Variants in ARHGEF9 observed in about 807,000 individuals in gnomAD.
ARHGEF9 encodes rho guanine nucleotide exchange factor 9.
In ARHGEF9, 2 loss-of-function variants were observed where a neutral mutation model predicts 41.3. That is an observed-to-expected ratio of 0.05 (90% CI 0.02 to 0.15). The LOEUF (loss-of-function observed/expected upper bound fraction) is 0.15, where lower values mean the gene tolerates loss of function less well. Ranked by LOEUF, ARHGEF9 falls within the 10% of genes least tolerant of loss-of-function variation. The probability of loss-of-function intolerance (pLI) is 1.00; values close to 1 mark genes in which losing one functional copy is unlikely to be tolerated. For missense variants in ARHGEF9, 225 were observed against 424.7 expected (o/e 0.53, Z 4.13); for synonymous variants, 160 against 154.4 (o/e 1.04, Z -0.27).
chrX:63,645,690 C>A (rs1473679765), intron 8 of ARHGEF9, among the ~76,000 whole-genome samples: 1 of 111,752 alleles, frequency 8.9e-6, no homozygotes, highest in Non-Finnish European at 1.9e-5. Context: ...AATAAACATA[C>A]GTGTGCATGT....
At chrX:63,754,247 G>A (rs2055834550) in intron 1 of ARHGEF9, 10 of 1,152,129 alleles carry the variant, frequency 8.7e-6, no homozygotes, top group South Asian at 7.2e-5. Context: ...GCAACTATAC[G>A]CGCAGGCATT....
chrX:63,724,111 G>T (rs1447047481), intron 2 of ARHGEF9, among the ~76,000 whole-genome samples: 2 of 111,887 alleles, frequency 1.8e-5, no homozygotes, highest in African/African-American at 3.3e-5. Flanking sequence ...GCAAGAGGAG[G>T]AGATGGGAAG....
intron 2 of ARHGEF9, chrX:63,719,978 T>C (rs2053545385): frequency 1.5e-5 from 4 of 260,578 alleles, no homozygotes; most frequent in African/African-American, 2.8e-5. Context: ...AGGAAGTTTC[T>C]TTGGGGAATA....
At chrX:63,785,029 C>A in intron 1 of ARHGEF9, 87 bp downstream of exon 1, 1 of 1,107,902 alleles carries the variant, frequency 9.0e-7, no homozygotes, top group Non-Finnish European at 1.2e-6. Flanking sequence ...AGGGTGCTCA[C>A]TGCCTTGTGG....
intron 3 of ARHGEF9, among the ~76,000 whole-genome samples, chrX:63,700,811 GTGGCTCTTAC>G (rs1404111789): frequency 8.1e-5 from 9 of 111,514 alleles, no homozygotes; most frequent in African/African-American, 2.9e-4. Flanking sequence ...AAAGGGGTCT[GTGGCTCTTAC>G]TGCCAGGTAT....
At chrX:63,733,515 G>A (rs2054440066) in intron 1 of ARHGEF9, among the ~76,000 whole-genome samples, 1 of 112,448 alleles carries the variant, frequency 8.9e-6, no homozygotes, top group Non-Finnish European at 1.9e-5. Context: ...TTCAATGTGG[G>A]TGTTGCTATT....
intron 1 of ARHGEF9, among the ~76,000 whole-genome samples, chrX:63,744,238 T>C (rs1427519985): frequency 2.7e-5 from 3 of 112,596 alleles, no homozygotes; most frequent in East Asian, 2.8e-4. Context: ...CCTAGTTCTG[T>C]GACACTTTGC....
rs1462625365 is a variant in ARHGEF9 at position 63,645,162 on chromosome X, T to C, written c.1322-1114A>G. On this transcript the variant is annotated intron_variant, in intron 8 of 9. Coordinates refer to ENST00000671741, the MANE Select transcript of ARHGEF9 (RefSeq NM_001353921.2). ...AAAAATAAATAAAAAGGAAATTTTA[T>C]ATTAAAACCTCTGAGATACAGTTGA... Among the ~76,000 whole-genome samples, 3 of 111,326 alleles carry C rather than the reference T, an allele frequency of 2.7e-5. No homozygotes were observed. In the East Asian group the frequency reaches 8.5e-4, roughly 31 times the overall value.
At chrX:63,643,803 C>T (rs1226489450) in intron 9 of ARHGEF9, among the ~76,000 whole-genome samples, 177 bp downstream of exon 9, 1 of 110,945 alleles carries the variant, frequency 9.0e-6, no homozygotes, top group Admixed American at 9.6e-5. Context: ...ATACTATTCA[C>T]TCCTTAGCCT....
chrX:63,752,508 G>A (rs1489602799), intron 1 of ARHGEF9, among the ~76,000 whole-genome samples: 1 of 111,567 alleles, frequency 9.0e-6, no homozygotes, highest in Non-Finnish European at 1.9e-5. Context: ...GCTAAGGGGG[G>A]AAAAAAACTC....
intron 1 of ARHGEF9, among the ~76,000 whole-genome samples, chrX:63,756,928 G>A (rs2055942596): frequency 9.0e-6 from 1 of 110,643 alleles, no homozygotes; most frequent in East Asian, 2.8e-4. Context: ...TTGTGAATAG[G>A]AAAAAAAACA....
chrX:63,684,458 T>C (rs2050854573), intron 4 of ARHGEF9, among the ~76,000 whole-genome samples: 1 of 111,277 alleles, frequency 9.0e-6, no homozygotes, highest in Admixed American at 9.5e-5. Flanking sequence ...TGGAAAATAA[T>C]ACCTTTAAGA....
At chrX:63,707,640 C>A (rs1176725336) in intron 2 of ARHGEF9, among the ~76,000 whole-genome samples, 1 of 111,211 alleles carries the variant, frequency 9.0e-6, no homozygotes, top group South Asian at 3.8e-4. Flanking sequence ...ATTTTCCCTC[C>A]TTAAACCCCA....
intron 5 of ARHGEF9, among the ~76,000 whole-genome samples, chrX:63,677,891 T>C (rs1273837588): frequency 8.9e-6 from 1 of 112,050 alleles, no homozygotes; most frequent in African/African-American, 3.3e-5. Flanking sequence ...AATTATGCCA[T>C]ATATAATTTA....
At chrX:63,773,985 C>A (rs1556456452) in intron 1 of ARHGEF9, among the ~76,000 whole-genome samples, 1 of 110,369 alleles carries the variant, frequency 9.1e-6, no homozygotes, top group Non-Finnish European at 1.9e-5. Flanking sequence ...GGGACTTGAG[C>A]TTGCAGAATG....
chrX:63,655,782 G>T, intron 7 of ARHGEF9, 45 bp from the exon 8 acceptor site: 1 of 1,194,481 alleles, frequency 8.4e-7, no homozygotes, highest in Non-Finnish European at 1.1e-6. Context: ...TGCACGGCGA[G>T]TACTAGAAGA....
intron 4 of ARHGEF9, among the ~76,000 whole-genome samples, chrX:63,679,781 G>C (rs2050497303): frequency 9.0e-6 from 1 of 111,710 alleles, no homozygotes; most frequent in Non-Finnish European, 1.9e-5. Context: ...ATCAAAACAA[G>C]ACAAAGATGC....
chrX:63,710,491 C>T (rs1345014474), intron 2 of ARHGEF9, among the ~76,000 whole-genome samples: 5 of 110,553 alleles, frequency 4.5e-5, no homozygotes, highest in South Asian at 3.8e-4. Context: ...TTACCAGATG[C>T]GATTCCAGGA....
Position 63,635,137 on chromosome X carries a change from G to A in ARHGEF9, c.*2891C>T, listed in dbSNP as rs2047251285. 1 of 390,307 alleles carries A rather than the reference G, an allele frequency of 2.6e-6. No individual in the cohort carries two copies. The allele number at this position is 390,307 out of a possible 1,213,427, so 32.2% of individuals were successfully genotyped here. A position where few individuals can be genotyped will look rare whatever the true frequency, so the allele number is the denominator to read the frequency against. Reference sequence around the variant, plus strand: ...AACTGGCAAATGCAGAGCAGCAAGGGTAATCAAAGTCACTGTTGCCCATCC... The same window carrying A: ...AACTGGCAAATGCAGAGCAGCAAGGATAATCAAAGTCACTGTTGCCCATCC... On this transcript the variant is annotated 3_prime_UTR_variant, in exon 10 of 10. Transcript: ENST00000671741.
Sources: gnomAD v4.1 joint callset for allele counts (sites outside exome capture counted in the v4.1 genomes callset) on GRCh38, gnomAD v4.1.1 for gene constraint, MANE v1.5 for transcripts, NCBI Gene and HGNC (gene_info 2026-07-23, HGNC 2026-07-21) for gene names.